The following FSTL5 variants were observed in gnomAD, a reference collection of about 807,000 sequenced individuals.
The protein encoded by FSTL5 is follistatin like 5.
A neutral mutation model predicts 89.1 loss-of-function variants in FSTL5; 62 were observed. That is an observed-to-expected ratio of 0.70 (90% CI 0.57 to 0.86). The LOEUF (loss-of-function observed/expected upper bound fraction) is 0.86. Ranked by LOEUF, FSTL5 falls within the 40% of genes least tolerant of loss-of-function variation. FSTL5 has a pLI of 0.00. For synonymous variants in FSTL5, 383 were observed against 346.2 expected, an observed-to-expected ratio of 1.11 and a Z score of -1.18; for missense variants, 1,057 against 1,001.6, an observed-to-expected ratio of 1.06 and a Z score of -0.75.
chr4:161,641,983 T>C (rs190016294), intron 7 of FSTL5, among the ~76,000 whole-genome samples: 2 of 152,042 alleles, frequency 1.3e-5, no homozygotes, highest in African/African-American at 2.4e-5. Context: ...AGAAAACAAA[T>C]AGCAAAATGA....
At chr4:161,686,439 A>C (rs1159683179) in intron 6 of FSTL5, among the ~76,000 whole-genome samples, 1 of 137,254 alleles carries the variant, frequency 7.3e-6, no homozygotes. Flanking sequence ...GCTCACTGCA[A>C]GCTCCGCCTC....
intron 2 of FSTL5, among the ~76,000 whole-genome samples, chr4:162,062,982 G>T (rs1738771509): frequency 6.6e-6 from 1 of 151,448 alleles, no homozygotes; most frequent in Non-Finnish European, 1.5e-5. Context: ...TTTATTATTT[G>T]TATTATATGC....
chr4:162,070,144 C>T (rs988808128), intron 2 of FSTL5, among the ~76,000 whole-genome samples: 24 of 151,464 alleles, frequency 1.6e-4, no homozygotes, highest in African/African-American at 5.6e-4. Flanking sequence ...ATCGGGGATT[C>T]GTATGTTTTC....
chr4:162,041,401 T>A (rs1021087710), intron 2 of FSTL5, among the ~76,000 whole-genome samples: 1 of 152,044 alleles, frequency 6.6e-6, no homozygotes, highest in Non-Finnish European at 1.5e-5. Context: ...AAGTAGTATG[T>A]TTCAATGATT....
chr4:161,427,844 C>T (rs1475865633), intron 15 of FSTL5, among the ~76,000 whole-genome samples: 1 of 152,154 alleles, frequency 6.6e-6, no homozygotes, highest in African/African-American at 2.4e-5. Flanking sequence ...TAGAAGCCTT[C>T]ACCAGTTGTC....
At chr4:161,492,947 T>C (rs1027847025) in intron 12 of FSTL5, among the ~76,000 whole-genome samples, 11 of 151,980 alleles carry the variant, frequency 7.2e-5, no homozygotes, top group Admixed American at 6.6e-5. Flanking sequence ...GAAACACTAT[T>C]TCCTGTAGTA....
At chr4:161,929,968 CT>C (rs1296100098) in intron 3 of FSTL5, among the ~76,000 whole-genome samples, 1 of 151,564 alleles carries the variant, frequency 6.6e-6, no homozygotes, top group Non-Finnish European at 1.5e-5. Context: ...TCCACATTTT[CT>C]TCACACCTAA....
intron 6 of FSTL5, among the ~76,000 whole-genome samples, chr4:161,673,126 G>A (rs867673522): frequency 4.6e-5 from 7 of 151,966 alleles, no homozygotes; most frequent in Non-Finnish European, 8.8e-5. Context: ...TGCTCTGTAC[G>A]TTTATTGCTA....
intron 3 of FSTL5, among the ~76,000 whole-genome samples, chr4:161,957,677 A>C (rs1578892199): frequency 6.6e-6 from 1 of 152,148 alleles, no homozygotes; most frequent in East Asian, 1.9e-4. Context: ...TTTAAGATAA[A>C]CATTATGCAG....
intron 4 of FSTL5, among the ~76,000 whole-genome samples, chr4:161,866,312 C>A (rs1254847630): frequency 6.6e-6 from 1 of 152,118 alleles, no homozygotes; most frequent in Non-Finnish European, 1.5e-5. Context: ...GTTTCTGTGA[C>A]ACATGCCTTT....
intron 4 of FSTL5, among the ~76,000 whole-genome samples, chr4:161,894,413 C>G (rs756757392): frequency 2.0e-5 from 3 of 152,124 alleles, no homozygotes; most frequent in African/African-American, 2.4e-5. Flanking sequence ...AAACAAAATC[C>G]TCTGTTGGTC....
intron 3 of FSTL5, among the ~76,000 whole-genome samples, chr4:161,985,310 TAAAA>T: frequency 6.6e-6 from 1 of 152,284 alleles, no homozygotes; most frequent in South Asian, 2.1e-4. Flanking sequence ...TGAAACTTCA[TAAAA>T]AACTCTATTA....
chr4:162,002,643 A>T (rs781743988), intron 3 of FSTL5, among the ~76,000 whole-genome samples: 15 of 152,202 alleles, frequency 9.9e-5, no homozygotes, highest in Non-Finnish European at 1.0e-4. Flanking sequence ...ATTCCAGTAG[A>T]GTCAGATAAA....
chr4:161,540,346 C>G (rs1490010792), intron 9 of FSTL5, among the ~76,000 whole-genome samples: 1 of 152,038 alleles, frequency 6.6e-6, no homozygotes, highest in African/African-American at 2.4e-5. Flanking sequence ...CTTTCATATC[C>G]ACCTCTACTT....
chr4:162,140,675 A>AT (rs1174388356), intron 1 of FSTL5, among the ~76,000 whole-genome samples: 12 of 152,190 alleles, frequency 7.9e-5, no homozygotes, highest in African/African-American at 2.9e-4. Flanking sequence ...AAGGATAGAG[A>AT]TAAAAAAGCA....
intron 4 of FSTL5, among the ~76,000 whole-genome samples, chr4:161,892,636 T>C (rs1733024965): frequency 6.6e-6 from 1 of 152,076 alleles, no homozygotes; most frequent in Non-Finnish European, 1.5e-5. Context: ...ACTCAAAGTA[T>C]TCCATAAAAA....
rs1046271195 is a variant in FSTL5, at chr4:161,974,026, C to A, written c.161-53374G>T. Among the ~76,000 whole-genome samples, 10 of 152,070 alleles carry A rather than the reference C, an allele frequency of 6.6e-5. No homozygotes were observed. The East Asian group carries it at 7.8e-4, about 12-fold the overall frequency. ...ATTCACAATTGCTTCAAAGAGAATA[C>A]AATACCTAGGAATCCAACTTACAAG... On this transcript the variant is annotated intron_variant, in intron 3 of 15. Transcript: ENST00000306100.
At chr4:161,554,084 A>G (rs1463705595) in intron 8 of FSTL5, among the ~76,000 whole-genome samples, 4 of 151,618 alleles carry the variant, frequency 2.6e-5, no homozygotes, top group African/African-American at 9.7e-5. Context: ...CTGATACTTA[A>G]AAAAGTAGAA....
chr4:161,975,644 C>T (rs1735614666), intron 3 of FSTL5, among the ~76,000 whole-genome samples: 1 of 151,712 alleles, frequency 6.6e-6, no homozygotes, highest in South Asian at 2.1e-4. Context: ...GGGAGATATA[C>T]TTAATGCTAG....
Sources: allele counts gnomAD v4.1 joint callset (sites outside exome capture counted in the v4.1 genomes callset), GRCh38; gene constraint gnomAD v4.1.1; transcripts MANE v1.5; gene names NCBI Gene and HGNC (gene_info 2026-07-23, HGNC 2026-07-21).